Variants in PHLDB2 observed in about 807,000 individuals in gnomAD.
The protein encoded by PHLDB2 is pleckstrin homology like domain family B member 2.
Under a neutral mutation model 123.6 loss-of-function variants are expected in PHLDB2, and 71 were observed. The ratio of observed to expected loss-of-function variants is 0.57; its 90% confidence interval spans 0.47 to 0.70. The LOEUF is 0.70. Ranked by LOEUF, PHLDB2 falls within the 30% of genes least tolerant of loss-of-function variation. PHLDB2 has a pLI of 0.00. For missense variants in PHLDB2, 1,446 were observed against 1,519.5 expected (o/e 0.95, Z 0.80); for synonymous variants, 547 against 541.6 (o/e 1.01, Z -0.14).
At chr3:111,850,609 A>G (rs1246274422) in intron 2 of PHLDB2, among the ~76,000 whole-genome samples, 1 of 152,088 alleles carries the variant, frequency 6.6e-6, no homozygotes, top group Non-Finnish European at 1.5e-5. Flanking sequence ...CTACAAAAAA[A>G]TTTTAAAATC....
intron 12 of PHLDB2, among the ~76,000 whole-genome samples, chr3:111,955,963 G>A (rs1296422371): frequency 6.6e-6 from 1 of 152,174 alleles, no homozygotes; most frequent in African/African-American, 2.4e-5. Context: ...CACCTTGGGA[G>A]GCTGAGGAGG....
chr3:111,840,164 A>C (rs1347394909), intron 1 of PHLDB2, among the ~76,000 whole-genome samples: 1 of 151,800 alleles, frequency 6.6e-6, no homozygotes, highest in Non-Finnish European at 1.5e-5. Flanking sequence ...AGGCAGAAGA[A>C]TTGCTTGAGC....
At chr3:111,866,930 G>GT (rs1553742798) in intron 1 of PHLDB2, among the ~76,000 whole-genome samples, 2 of 126,004 alleles carry the variant, frequency 1.6e-5, no homozygotes, top group African/African-American at 2.9e-5. Context: ...GTTTCTAAGG[G>GT]GTGTGTGTGT....
At chr3:111,893,100 C>CCT (rs540023619) in intron 2 of PHLDB2, among the ~76,000 whole-genome samples, 116 of 152,006 alleles carry the variant, frequency 7.6e-4, no homozygotes, top group African/African-American at 2.6e-3. Context: ...GACCACCCCC[C>CCT]CAAAATAAGT....
intron 1 of PHLDB2, among the ~76,000 whole-genome samples, chr3:111,823,404 A>T (rs547905336): frequency 6.6e-6 from 1 of 152,354 alleles, no homozygotes; most frequent in African/African-American, 2.4e-5. Flanking sequence ...ACCATATCGT[A>T]GTGCTTGAAG....
At chr3:111,963,259 A>G (rs2071534638) in intron 13 of PHLDB2, among the ~76,000 whole-genome samples, 1 of 152,180 alleles carries the variant, frequency 6.6e-6, no homozygotes, top group South Asian at 2.1e-4. Context: ...CACAGAGCTT[A>G]ATGATTGAGA....
chr3:111,739,534 G>C (rs1269992481), intron 1 of PHLDB2, among the ~76,000 whole-genome samples: 1 of 142,912 alleles, frequency 7.0e-6, no homozygotes, highest in Non-Finnish European at 1.5e-5. Flanking sequence ...ATAAACAAAA[G>C]GCAGAGAGTG....
chr3:111,751,315 A>C (rs1280889887), intron 1 of PHLDB2, among the ~76,000 whole-genome samples: 1 of 152,184 alleles, frequency 6.6e-6, no homozygotes, highest in African/African-American at 2.4e-5. Flanking sequence ...CACTCAAGAA[A>C]TATCTTGCAC....
At chr3:111,857,077 A>G (rs376213641), upstream of PHLDB2, among the ~76,000 whole-genome samples, 10 of 152,226 alleles carry the variant, frequency 6.6e-5, no homozygotes, top group African/African-American at 2.2e-4. Flanking sequence ...GGCAATTAGA[A>G]CAAAGGCCCT....
At position 111,849,925 on chromosome 3, in the gene PHLDB2, G is replaced by A. The variant is rs565962546; in HGVS notation, c.67+3990G>A. On this transcript the variant is annotated intron_variant, in intron 2 of 17. Coordinates refer to the PHLDB2 transcript ENST00000393923. ...CGCCCAGGCTAGAGTGCAGTGGCGC[G>A]ATCTCGGCTCACTGCAAGCTCCGCC... is the stretch of plus-strand genomic sequence containing the variant. 9.2e-5 allele frequency among the ~76,000 whole-genome samples: 14 copies of A among 151,702 alleles called. No individual in the cohort carries two copies. The East Asian group carries it at 2.3e-3, about 25-fold the overall frequency.
intron 1 of PHLDB2, among the ~76,000 whole-genome samples, chr3:111,770,693 C>A (rs1416033101): frequency 1.3e-5 from 2 of 152,208 alleles, no homozygotes; most frequent in Non-Finnish European, 2.9e-5. Flanking sequence ...TATGAAATGA[C>A]TTCTCCAATA....
chr3:111,847,398 A>C (rs1192184231), intron 2 of PHLDB2, among the ~76,000 whole-genome samples: 2 of 152,192 alleles, frequency 1.3e-5, no homozygotes, highest in African/African-American at 4.8e-5. Context: ...TTAGGGGAAA[A>C]AAAGACTAAT....
chr3:111,870,264 G>T (rs1038296125), intron 1 of PHLDB2, among the ~76,000 whole-genome samples: 2 of 152,138 alleles, frequency 1.3e-5, no homozygotes, highest in South Asian at 4.1e-4. Context: ...TTGCTTAGAG[G>T]GGGGTGTTTG....
At chr3:111,909,315 G>A (rs1288847571) in intron 2 of PHLDB2, among the ~76,000 whole-genome samples, 1 of 152,218 alleles carries the variant, frequency 6.6e-6, no homozygotes, top group Non-Finnish European at 1.5e-5. Context: ...TTTGAGGGTA[G>A]AAATGCTATG....
chr3:111,953,253 G>C (rs1053922600), intron 11 of PHLDB2, among the ~76,000 whole-genome samples: 1 of 152,050 alleles, frequency 6.6e-6, no homozygotes, highest in Non-Finnish European at 1.5e-5. Flanking sequence ...GAACCTATGC[G>C]ACCTGATGCC....
intron 5 of PHLDB2, among the ~76,000 whole-genome samples, chr3:111,926,794 A>G (rs570473839): frequency 6.6e-6 from 1 of 152,342 alleles, no homozygotes; most frequent in South Asian, 2.1e-4. Flanking sequence ...TCATGGGGAA[A>G]AAAAGTAATT....
At chr3:111,885,725 C>T in intron 2 of PHLDB2, 1 of 614,458 alleles carries the variant, frequency 1.6e-6, no homozygotes, top group African/African-American at 1.8e-5. Flanking sequence ...GTCTTACAAA[C>T]TTCTCTTTAA....
chr3:111,774,978 A>C (rs2060242668), intron 1 of PHLDB2, among the ~76,000 whole-genome samples: 1 of 152,186 alleles, frequency 6.6e-6, no homozygotes, highest in Non-Finnish European at 1.5e-5. Flanking sequence ...TTGGAGAAAC[A>C]AGGGAACCGA....
rs1289964474 is a variant in PHLDB2 at position 111,738,525 on chromosome 3, G to C, written c.-49+5822G>C. 2.0e-5 allele frequency among the ~76,000 whole-genome samples: 3 copies of C among 152,092 alleles called. No individual in the cohort carries two copies. In the East Asian group the frequency reaches 5.8e-4, roughly 29 times the overall value. On this transcript the variant is annotated intron_variant, in intron 1 of 17. Coordinates refer to the PHLDB2 transcript ENST00000393923. ...GTGTTAGACACTGTCTTTGACATAG[G>C]ATTAAATAATCTTGCCACTTACCAG... is the stretch of plus-strand genomic sequence containing the variant.
Sources: allele counts gnomAD v4.1 joint callset (sites outside exome capture counted in the v4.1 genomes callset), GRCh38; gene constraint gnomAD v4.1.1; transcripts MANE v1.5; gene names NCBI Gene and HGNC (gene_info 2026-07-23, HGNC 2026-07-21).